The following PAM variants were observed in gnomAD, a reference collection of about 807,000 sequenced individuals.
PAM encodes peptidyl-glycine alpha-amidating monooxygenase.
In PAM, 72 loss-of-function variants were observed where a neutral mutation model predicts 122.1. The ratio of observed to expected loss-of-function variants is 0.59; its 90% CI spans 0.49 to 0.72. PAM has a LOEUF of 0.72. Among genes scored for constraint, PAM ranks in the 30% least tolerant of loss-of-function variants. PAM has a pLI of 0.00. For synonymous variants in PAM, 389 were observed against 404.4 expected (o/e 0.96, Z 0.46); for missense variants, 1,106 against 1,183.7 (o/e 0.93, Z 0.96).
At chr5:102,948,224 T>C (rs1002599249) in intron 8 of PAM, among the ~76,000 whole-genome samples, 154 bp from the exon 9 acceptor site, 6 of 152,192 alleles carry the variant, frequency 3.9e-5, no homozygotes, top group African/African-American at 1.4e-4. Context: ...TGAAAAAGTA[T>C]TTTTTAAGGA....
rs201016377 is a variant in PAM, at chr5:102,866,161, C to A, written c.-35C>A. 33 of 1,477,618 alleles carry A rather than the reference C, an allele frequency of 2.2e-5. No individual in the cohort carries two copies. The highest frequency in any genetic ancestry group is 3.0e-5 in the Non-Finnish European group (32 of 1,059,686). 91.5% of individuals were successfully genotyped at this position (1,477,618 alleles called of 1,614,324 possible). On this transcript the variant is annotated 5_prime_UTR_variant, in exon 2 of 26. Coordinates refer to ENST00000438793, the MANE Select transcript of PAM (RefSeq NM_001177306.2). The stretch of plus-strand genomic sequence containing the variant: ...AGCCCCAGCCCCGCGCTGCGCTGCC[C>A]GGTCCTCTCCCGGCGGGGTCGTATC...
rs377274514 is a variant in PAM, at chr5:102,877,892, TGGTGGTGTGTGTCTGTA to T, written c.210+10501_210+10517del. 1.1e-3 allele frequency among the ~76,000 whole-genome samples: 160 copies of T among 151,954 alleles called. No homozygotes were observed. The South Asian group carries it at 0.014, about 13-fold the overall frequency. ...AAAATTTAAAACAATTAGCTGGGCG[TGGTGGTGTGTGTCTGTA>T]GTCCTAGCTACTCAGGAGGCTGTGA... On this transcript the variant is annotated intron_variant, in intron 3 of 25. Coordinates refer to ENST00000438793, the MANE Select transcript of PAM (RefSeq NM_001177306.2).
At chr5:102,914,371 A>G (rs530764978) in intron 5 of PAM, among the ~76,000 whole-genome samples, 30 of 152,186 alleles carry the variant, frequency 2.0e-4, no homozygotes, top group African/African-American at 7.0e-4. Flanking sequence ...TGGGTTCAAT[A>G]GATGCCCAAA....
At chr5:102,864,163 C>CATATAT (rs373189336) in intron 1 of PAM, among the ~76,000 whole-genome samples, 140 of 140,610 alleles carry the variant, frequency 1.0e-3, no homozygotes, top group African/African-American at 3.4e-3. Context: ...ATCCCTTCTT[C>CATATAT]ATATATATAT....
intron 14 of PAM, among the ~76,000 whole-genome samples, chr5:102,966,795 TTTACTCTCCTTATATTA>T (rs1296888030): frequency 6.6e-6 from 1 of 152,108 alleles, no homozygotes; most frequent in Non-Finnish European, 1.5e-5. Flanking sequence ...GAACATCCTA[TTTACTCTCCTTATATTA>T]TAGAAATTGC....
At chr5:102,836,683 C>T (rs1306412340) in intron 1 of PAM, among the ~76,000 whole-genome samples, 1 of 152,024 alleles carries the variant, frequency 6.6e-6, no homozygotes, top group Non-Finnish European at 1.5e-5. Flanking sequence ...TTCCCTCCCT[C>T]CTTTAAATTA....
intron 4 of PAM, among the ~76,000 whole-genome samples, chr5:102,904,873 A>G (rs907542461): frequency 1.3e-5 from 2 of 151,650 alleles, no homozygotes; most frequent in African/African-American, 4.8e-5. Flanking sequence ...TCTTAAACAT[A>G]CTTCTAAATT....
intron 1 of PAM, among the ~76,000 whole-genome samples, chr5:102,783,364 C>T (rs1164972355): frequency 2.0e-5 from 3 of 152,088 alleles, no homozygotes; most frequent in East Asian, 3.9e-4. Flanking sequence ...GTTTAAATGA[C>T]CATTGCTTAG....
chr5:102,828,838 A>G (rs1384200240), intron 1 of PAM, among the ~76,000 whole-genome samples: 1 of 152,000 alleles, frequency 6.6e-6, no homozygotes, highest in Non-Finnish European at 1.5e-5. Context: ...CCAAAGTAGT[A>G]GAATACAGCT....
At chr5:102,981,289 A>G (rs933095419) in intron 15 of PAM, among the ~76,000 whole-genome samples, 4 of 152,244 alleles carry the variant, frequency 2.6e-5, no homozygotes, top group Non-Finnish European at 5.9e-5. Context: ...TTCTGTAAGA[A>G]TAGTAACTCT....
At chr5:102,991,374 T>G (rs1482231738) in intron 16 of PAM, among the ~76,000 whole-genome samples, 1 of 152,174 alleles carries the variant, frequency 6.6e-6, no homozygotes, top group Non-Finnish European at 1.5e-5. Context: ...CCATTATTCA[T>G]TTATTTCAAT....
At chr5:102,848,249 T>G (rs569928943) in intron 1 of PAM, among the ~76,000 whole-genome samples, 1 of 152,310 alleles carries the variant, frequency 6.6e-6, no homozygotes, top group Non-Finnish European at 1.5e-5. Flanking sequence ...TTGATACCGG[T>G]TTTGCTTTCT....
chr5:102,959,808 T>TTAAGCATGTG, intron 12 of PAM, 67 bp from the exon 13 acceptor site: 1 of 1,063,144 alleles, frequency 9.4e-7, no homozygotes, highest in Non-Finnish European at 1.4e-6. Flanking sequence ...AAGGGCTTCA[T>TTAAGCATGTG]TTTTCTTGCA....
At chr5:102,976,917 A>G (rs1767859916) in intron 15 of PAM, among the ~76,000 whole-genome samples, 2 of 152,146 alleles carry the variant, frequency 1.3e-5, no homozygotes, top group South Asian at 2.1e-4. Flanking sequence ...AGCTTGCCCA[A>G]TTAAGATAAA....
At chr5:102,968,816 A>G (rs900045081) in intron 14 of PAM, among the ~76,000 whole-genome samples, 1 of 152,190 alleles carries the variant, frequency 6.6e-6, no homozygotes, top group Non-Finnish European at 1.5e-5. Flanking sequence ...ACTATTCCCA[A>G]TAGCGAAGAC....
chr5:102,899,273 G>T (rs1797013620), intron 3 of PAM, among the ~76,000 whole-genome samples: 1 of 151,568 alleles, frequency 6.6e-6, no homozygotes, highest in South Asian at 2.1e-4. Context: ...TTATAGTATG[G>T]ATCTGATGAA....
chr5:102,849,453 G>T (rs1580903460), intron 1 of PAM, among the ~76,000 whole-genome samples: 1 of 151,700 alleles, frequency 6.6e-6, no homozygotes, highest in African/African-American at 2.4e-5. Flanking sequence ...AGCTACTTGG[G>T]AGGCTGAGAC....
Position 102,919,043 on chromosome 5 carries a change from G to GA in PAM, c.356+5030dup, listed in dbSNP as rs544017136. On this transcript the variant is annotated intron_variant, in intron 5 of 25. Transcript: ENST00000438793. ...TACAGGTTGTTTGATGTTTTTTGAT[G>GA]AAAAAAAATCCAAGCTGGTTAAATG... 2.7e-3 allele frequency among the ~76,000 whole-genome samples: 415 copies of GA among 151,686 alleles called. 2 individuals carry two copies. Among genetic ancestry groups the GA allele is most frequent in the African/African-American group, 9.1e-3 (378 of 41,414 alleles).
At chr5:102,795,845 T>C (rs1763252211) in intron 1 of PAM, among the ~76,000 whole-genome samples, 1 of 152,226 alleles carries the variant, frequency 6.6e-6, no homozygotes, top group African/African-American at 2.4e-5. Flanking sequence ...AGGGAATCTT[T>C]TCCAACCTCA....
Sources: allele counts gnomAD v4.1 joint callset (sites outside exome capture counted in the v4.1 genomes callset), GRCh38; gene constraint gnomAD v4.1.1; transcripts MANE v1.5; gene names NCBI Gene and HGNC (gene_info 2026-07-23, HGNC 2026-07-21).